STARD13: variants seen among roughly 807,000 people sequenced by gnomAD.
The protein encoded by STARD13 is StAR related lipid transfer domain containing 13.
STARD13 carries 62 observed loss-of-function variants against 106.4 expected under a neutral mutation model. The observed-to-expected ratio is 0.58, with a 90% CI of 0.48 to 0.72. The LOEUF is 0.72. Among genes scored for constraint, STARD13 ranks in the 30% least tolerant of loss-of-function variants. The probability of loss-of-function intolerance (pLI) is 0.00; values close to 1 mark genes in which losing one functional copy is unlikely to be tolerated. For missense variants in STARD13, 1,387 were observed against 1,424.0 expected (o/e 0.97, Z 0.42); for synonymous variants, 565 against 553.0 (o/e 1.02, Z -0.31).
the STARD13 span, among the ~76,000 whole-genome samples, chr13:33,405,053 AG>A: frequency 6.6e-6 from 1 of 152,206 alleles, no homozygotes; most frequent in African/African-American, 2.4e-5. Context: ...CTGGGATTAC[AG>A]GCGTGAGCCA....
intron 9 of STARD13, 119 bp from the exon 10 acceptor site, chr13:33,112,011 C>T (rs915909665): frequency 3.4e-5 from 21 of 610,160 alleles, no homozygotes; most frequent in Middle Eastern, 5.2e-4. Flanking sequence ...CAGGCTTTTG[C>T]GTTTCCAAAT....
At chr13:33,530,348 T>G in the STARD13 span, among the ~76,000 whole-genome samples, 1 of 152,150 alleles carries the variant, frequency 6.6e-6, no homozygotes, top group Non-Finnish European at 1.5e-5. Context: ...TAAGTAACCA[T>G]TATTCTGGCT....
At chr13:33,511,378 T>G in the STARD13 span, 1 of 151,984 alleles carries the variant, frequency 6.6e-6, no homozygotes, top group Non-Finnish European at 1.5e-5. Flanking sequence ...AAATGTAACA[T>G]TTCAGTACAG....
intron 1 of STARD13, among the ~76,000 whole-genome samples, chr13:33,327,582 G>A (rs1036437573): frequency 1.3e-5 from 2 of 152,116 alleles, no homozygotes; most frequent in Non-Finnish European, 2.9e-5. Context: ...TGTTGCCCAG[G>A]TTGGTCTTGA....
chr13:33,663,325 T>TAAA, the STARD13 span, among the ~76,000 whole-genome samples: 1 of 152,104 alleles, frequency 6.6e-6, no homozygotes, highest in Non-Finnish European at 1.5e-5. Context: ...CCAAAAATAT[T>TAAA]ATGGACAAAA....
At chr13:33,412,032 A>G in the STARD13 span, among the ~76,000 whole-genome samples, 6 of 152,230 alleles carry the variant, frequency 3.9e-5, no homozygotes, top group Admixed American at 6.5e-5. Flanking sequence ...AACCAAAAAT[A>G]TGGGTAAATA....
rs530287644 is a variant in STARD13 at position 33,161,713 on chromosome 13, T to C, written c.323+3624A>G. On this transcript the variant is annotated intron_variant, in intron 3 of 13. Coordinates refer to ENST00000336934, the MANE Select transcript of STARD13 (RefSeq NM_178006.4). Reference sequence around the variant, plus strand: ...TGAAAATAGTCAATTTTACTTTATATATATATGTATTAGTCCATTTTCACA... The same window carrying C: ...TGAAAATAGTCAATTTTACTTTATACATATATGTATTAGTCCATTTTCACA... Among the ~76,000 whole-genome samples the C allele has an allele frequency of 3.9e-5, 6 of 152,262 alleles. No individual in the cohort carries two copies. In the South Asian group the frequency reaches 1.0e-3, roughly 26 times the overall value.
At chr13:33,401,353 G>C in the STARD13 span, among the ~76,000 whole-genome samples, 22 of 152,214 alleles carry the variant, frequency 1.4e-4, no homozygotes, top group East Asian at 3.9e-3. Flanking sequence ...TCAACTACTT[G>C]ACTATTGGCC....
chr13:33,372,990 C>G, the STARD13 span, among the ~76,000 whole-genome samples: 11 of 152,068 alleles, frequency 7.2e-5, no homozygotes, highest in African/African-American at 2.7e-4. Context: ...TATAAACATC[C>G]TTACTTCTCT....
At chr13:33,382,061 A>C in the STARD13 span, among the ~76,000 whole-genome samples, 1 of 152,236 alleles carries the variant, frequency 6.6e-6, no homozygotes, top group Non-Finnish European at 1.5e-5. Flanking sequence ...GCGCAAACGC[A>C]TAGACCAGGA....
the STARD13 span, among the ~76,000 whole-genome samples, chr13:33,670,198 G>A: frequency 2.6e-5 from 4 of 152,180 alleles, no homozygotes; most frequent in African/African-American, 9.6e-5. Context: ...TTGGCATATA[G>A]TATGCCAAGT....
chr13:33,417,671 C>T, the STARD13 span, among the ~76,000 whole-genome samples: 1 of 152,076 alleles, frequency 6.6e-6, no homozygotes, highest in Non-Finnish European at 1.5e-5. Flanking sequence ...GTTGAAAAGA[C>T]CACATACTGT....
chr13:33,288,181 G>C (rs147823465), upstream of STARD13, among the ~76,000 whole-genome samples: 1 of 152,032 alleles, frequency 6.6e-6, no homozygotes, highest in Non-Finnish European at 1.5e-5. Flanking sequence ...GGGGTGTCTG[G>C]TTCTGAAAAC....
chr13:33,247,220 T>TAAA (rs1448643103), intron 1 of STARD13, among the ~76,000 whole-genome samples: 28 of 150,206 alleles, frequency 1.9e-4, no homozygotes, highest in African/African-American at 6.6e-4. Flanking sequence ...AATAAATAAA[T>TAAA]TAAATAAATA....
intron 1 of STARD13, among the ~76,000 whole-genome samples, chr13:33,307,725 T>C (rs546832946): frequency 1.3e-5 from 2 of 152,122 alleles, no homozygotes; most frequent in African/African-American, 4.8e-5. Flanking sequence ...AATACCTAGG[T>C]GATGGGTTCA....
chr13:33,647,497 A>C, the STARD13 span, among the ~76,000 whole-genome samples: 2 of 152,166 alleles, frequency 1.3e-5, no homozygotes, highest in Non-Finnish European at 2.9e-5. Flanking sequence ...TCCTTATCTC[A>C]AATAAAATAT....
intron 1 of STARD13, among the ~76,000 whole-genome samples, chr13:33,320,676 TA>T (rs1348532465): frequency 2.0e-5 from 3 of 152,184 alleles, no homozygotes; most frequent in African/African-American, 4.8e-5. Context: ...TTTAAATGAA[TA>T]AAAAAAGATT....
the STARD13 span, among the ~76,000 whole-genome samples, chr13:33,623,220 A>G: frequency 6.6e-6 from 1 of 152,220 alleles, no homozygotes; most frequent in Non-Finnish European, 1.5e-5. Context: ...AAACATCTTG[A>G]AAATGAGATA....
At chr13:33,318,933 TG>T (rs1893445708) in intron 1 of STARD13, among the ~76,000 whole-genome samples, 1 of 152,122 alleles carries the variant, frequency 6.6e-6, no homozygotes, top group South Asian at 2.1e-4. Context: ...TAGAGAAATT[TG>T]AACCTGTTGC....
Sources: gnomAD v4.1 joint callset for allele counts (sites outside exome capture counted in the v4.1 genomes callset) on GRCh38, gnomAD v4.1.1 for gene constraint, MANE v1.5 for transcripts, NCBI Gene and HGNC (gene_info 2026-07-23, HGNC 2026-07-21) for gene names.